The following NDST4 variants were observed in gnomAD, a reference collection of about 807,000 sequenced individuals.
NDST4 encodes the protein N-deacetylase and N-sulfotransferase 4.
Under a neutral mutation model 100.8 loss-of-function variants are expected in NDST4, and 63 were observed. The ratio of observed to expected loss-of-function variants is 0.62; its 90% CI spans 0.51 to 0.77. NDST4 has a LOEUF of 0.77. Among genes scored for constraint, NDST4 ranks in the 30% least tolerant of loss-of-function variants. The pLI is 0.00. For synonymous variants in NDST4, 377 were observed against 361.8 expected (o/e 1.04, Z -0.48); for missense variants, 943 against 1,018.4 (o/e 0.93, Z 1.01).
chr4:115,024,665 A>G (rs1727942013), intron 2 of NDST4, among the ~76,000 whole-genome samples: 1 of 152,142 alleles, frequency 6.6e-6, no homozygotes, highest in Non-Finnish European at 1.5e-5. Flanking sequence ...ATGAGACTCT[A>G]CTTCTAAATT....
intron 6 of NDST4, among the ~76,000 whole-genome samples, chr4:114,916,534 CTCTGTGTGTGTGTGTGTGTGTG>C (rs1725171283): frequency 1.6e-5 from 2 of 123,418 alleles, no homozygotes; most frequent in African/African-American, 6.7e-5. Flanking sequence ...TCCTGGTAGG[CTCTGTGTGTGTGTGTGTGTGTG>C]TGTGTGTGTG....
chr4:115,012,698 C>T (rs140549930), intron 2 of NDST4, among the ~76,000 whole-genome samples: 219 of 151,546 alleles, frequency 1.4e-3, no homozygotes, highest in African/African-American at 5.1e-3. Flanking sequence ...GGTGTATATC[C>T]AAAAGAAAGG....
At chr4:115,028,937 C>T (rs1013311502) in intron 2 of NDST4, among the ~76,000 whole-genome samples, 1 of 152,036 alleles carries the variant, frequency 6.6e-6, no homozygotes, top group Non-Finnish European at 1.5e-5. Context: ...AAGGATAATA[C>T]AGTAGCTAAG....
intron 2 of NDST4, among the ~76,000 whole-genome samples, chr4:115,050,954 G>A (rs772541804): frequency 6.6e-6 from 1 of 152,062 alleles, no homozygotes; most frequent in Non-Finnish European, 1.5e-5. Flanking sequence ...ATTAATCAGT[G>A]AAAATAGCTT....
chr4:114,929,074 G>GTCCATCCATCCATCCATCCATCCA, intron 6 of NDST4, among the ~76,000 whole-genome samples: 1 of 120,562 alleles, frequency 8.3e-6, no homozygotes, highest in East Asian at 2.8e-4. Flanking sequence ...CCGTCCGTCC[G>GTCCATCCATCCATCCATCCATCCA]TCCATCCATC....
intron 2 of NDST4, among the ~76,000 whole-genome samples, chr4:114,996,021 C>T (rs1727153774): frequency 6.6e-6 from 1 of 152,082 alleles, no homozygotes; most frequent in Non-Finnish European, 1.5e-5. Context: ...ATATTGCTGA[C>T]ATTTCCATAG....
chr4:114,877,558 T>C lies in NDST4; in HGVS notation c.1537-6608A>G, dbSNP rs561764447. On this transcript the variant is annotated intron_variant, in intron 6 of 13. Transcript: ENST00000264363. ...GATTTCCACTAAGAAATGTGTTCTA[T>C]AAATAAAAAGTAACTCTGATCTTCC... Among the ~76,000 whole-genome samples, 22 of 152,320 alleles carry C rather than the reference T, an allele frequency of 1.4e-4. No individual in the cohort carries two copies. In the South Asian group the frequency reaches 2.9e-3, roughly 20 times the overall value.
At chr4:115,015,843 GCA>G (rs1163443895) in intron 2 of NDST4, among the ~76,000 whole-genome samples, 2 of 152,002 alleles carry the variant, frequency 1.3e-5, no homozygotes, top group African/African-American at 4.8e-5. Context: ...CACCACTGAT[GCA>G]CAGTCTGCCA....
At chr4:115,059,003 A>G (rs1213622750) in intron 2 of NDST4, among the ~76,000 whole-genome samples, 4 of 151,396 alleles carry the variant, frequency 2.6e-5, no homozygotes, top group Non-Finnish European at 5.9e-5. Flanking sequence ...ACACACACAC[A>G]CGCTCAAAAT....
At chr4:115,023,362 G>T (rs1160723851) in intron 2 of NDST4, among the ~76,000 whole-genome samples, 13 of 151,906 alleles carry the variant, frequency 8.6e-5, no homozygotes, top group Non-Finnish European at 1.5e-5. Context: ...ATGCATGCCT[G>T]TAATCCCAGC....
chr4:115,061,564 G>A lies in NDST4; in HGVS notation c.978+14495C>T, dbSNP rs572501253. On this transcript the variant is annotated intron_variant, in intron 2 of 13. Coordinates refer to ENST00000264363, the MANE Select transcript of NDST4 (RefSeq NM_022569.3). The stretch of plus-strand genomic sequence containing the variant: ...CACATGTTCTCACTCATAAGTGGGA[G>A]TTGAATAATGAAAACACATTGACAC... Among the ~76,000 whole-genome samples the A allele has an allele frequency of 4.6e-5, 7 of 151,878 alleles. No homozygotes were observed. The East Asian group carries it at 5.9e-4, about 13-fold the overall frequency.
intron 6 of NDST4, among the ~76,000 whole-genome samples, chr4:114,922,418 A>C (rs1725308139): frequency 2.0e-5 from 3 of 152,126 alleles, no homozygotes; most frequent in Admixed American, 6.5e-5. Context: ...AGCCTCCCCC[A>C]GTGGAAAAAT....
rs1357171232 is a variant in NDST4, at chr4:114,854,521, T to A, written c.1720-1700A>T. On this transcript the variant is annotated intron_variant, in intron 7 of 13. Transcript: ENST00000264363. ...TTTGCTCTTGTTGCCCAGGCTGGAG[T>A]GCAATGGCACAATCTCGGCTCACCG... 2.6e-5 allele frequency among the ~76,000 whole-genome samples: 4 copies of A among 152,140 alleles called. No homozygotes were observed. In the South Asian group the frequency reaches 8.3e-4, roughly 32 times the overall value.
intron 3 of NDST4, among the ~76,000 whole-genome samples, chr4:114,973,895 A>G (rs1366554729): frequency 6.6e-6 from 1 of 151,848 alleles, no homozygotes; most frequent in Non-Finnish European, 1.5e-5. Flanking sequence ...ATGTGGGGAT[A>G]GAATAAACTA....
At chr4:114,936,827 T>C (rs1399098364) in intron 5 of NDST4, among the ~76,000 whole-genome samples, 8 of 152,232 alleles carry the variant, frequency 5.3e-5, no homozygotes. Context: ...TATTCTTAGA[T>C]ACTTTTGAGT....
chr4:115,060,242 T>G (rs1399495597), intron 2 of NDST4, among the ~76,000 whole-genome samples: 1 of 151,964 alleles, frequency 6.6e-6, no homozygotes, highest in Non-Finnish European at 1.5e-5. Context: ...TAAAAAAAGT[T>G]TATGGGTTTT....
intron 1 of NDST4, among the ~76,000 whole-genome samples, chr4:115,082,526 A>T (rs1297810951): frequency 6.6e-6 from 1 of 152,144 alleles, no homozygotes; most frequent in Non-Finnish European, 1.5e-5. Flanking sequence ...GTTGAAGGTG[A>T]TCTGATGAGC....
At chr4:115,035,709 C>T (rs1440168000) in intron 2 of NDST4, among the ~76,000 whole-genome samples, 4 of 152,050 alleles carry the variant, frequency 2.6e-5, no homozygotes, top group Middle Eastern at 6.8e-3. Flanking sequence ...TATATGACTA[C>T]GAGTTGAAGA....
intron 2 of NDST4, among the ~76,000 whole-genome samples, chr4:115,034,223 A>C (rs1162334659): frequency 2.0e-5 from 3 of 152,060 alleles, no homozygotes; most frequent in Non-Finnish European, 4.4e-5. Context: ...TGAAGGCACC[A>C]GTGGAAATAC....
Sources: gnomAD v4.1 joint callset for allele counts (sites outside exome capture counted in the v4.1 genomes callset) on GRCh38, gnomAD v4.1.1 for gene constraint, MANE v1.5 for transcripts, NCBI Gene and HGNC (gene_info 2026-07-23, HGNC 2026-07-21) for gene names.